The following LRRC47 variants were observed in gnomAD, a reference collection of about 807,000 sequenced individuals.
LRRC47 encodes leucine rich repeat containing 47, also known as leucine-rich repeat-containing protein 47.
In LRRC47, 31 loss-of-function variants were observed where a neutral mutation model predicts 40.9. The ratio of observed to expected loss-of-function variants is 0.76; its 90% CI spans 0.57 to 1.02. The LOEUF (loss-of-function observed/expected upper bound fraction) is 1.02, where lower values mean the gene tolerates loss of function less well. LRRC47 is among the 50% of genes least tolerant of loss of function. The pLI is 0.00. For synonymous variants in LRRC47, 427 were observed against 371.9 expected (o/e 1.15, Z -1.70); for missense variants, 726 against 796.1 (o/e 0.91, Z 1.06).
intron 2 of LRRC47, among the ~76,000 whole-genome samples, chr1:3,786,300 C>A (rs1570737374): frequency 6.6e-6 from 1 of 152,242 alleles, no homozygotes; most frequent in South Asian, 2.1e-4. Flanking sequence ...GAGTTCAAGA[C>A]CAACCTGGCC....
chr1:3,787,413 C>A, intron 1 of LRRC47, 103 bp from the exon 2 acceptor site: 1 of 1,160,054 alleles, frequency 8.6e-7, no homozygotes, highest in Non-Finnish European at 1.2e-6. Context: ...ACAAGAGCCA[C>A]CACTGGCCTG....
In LRRC47 at chr1:3,780,253, T is replaced by C. The variant is rs925554050; in HGVS notation, c.*835A>G. The C allele has an allele frequency of 6.6e-6, 1 of 152,174 alleles. No individual in the cohort carries two copies. Among genetic ancestry groups the C allele is most frequent in the Non-Finnish European group, 1.5e-5 (1 of 68,044 alleles). The allele number at this position is 152,174 out of a possible 1,614,324, so 9.4% of individuals were successfully genotyped here. A position where few individuals can be genotyped will look rare whatever the true frequency, so the allele number is the denominator to read the frequency against. On this transcript the variant is annotated 3_prime_UTR_variant, in exon 7 of 7. Transcript: ENST00000378251. ...ATGTAGTTTTATTTATGTGTTTTCA[T>C]CTGGAAAACCAAGTGTCCCAGCAGC...
At position 3,795,857 on chromosome 1, in the gene LRRC47, C is replaced by A; in HGVS notation, c.615+5G>T. ...TCCCGCCCCGCCCGGGCAGCCCCCG[C>A]TGACCTTGAGCGAGGCCAGGTGGGC... On this transcript the variant is annotated splice_donor_5th_base_variant and intron_variant, in intron 1 of 6. Coordinates refer to ENST00000378251, the MANE Select transcript of LRRC47 (RefSeq NM_020710.3). The A allele has an allele frequency of 6.3e-7, 1 of 1,575,320 alleles. No individual in the cohort carries two copies. Among genetic ancestry groups the A allele is most frequent in the Non-Finnish European group, 8.6e-7 (1 of 1,167,036 alleles).
At chr1:3,792,128 A>T (rs1333910597) in intron 1 of LRRC47, among the ~76,000 whole-genome samples, 1 of 152,174 alleles carries the variant, frequency 6.6e-6, no homozygotes, top group East Asian at 1.9e-4. Context: ...AAGGACATCA[A>T]ATGCATTTGC....
chr1:3,796,286 C>G lies in LRRC47; in HGVS notation c.191G>C (p.Arg64Pro). 2.0e-6 allele frequency: 3 copies of G among 1,481,048 alleles called. No homozygotes were observed. The highest frequency in any genetic ancestry group is 2.7e-6 in the Non-Finnish European group (3 of 1,124,328). The allele number at this position is 1,481,048 out of a possible 1,614,324, so 91.7% of individuals were successfully genotyped here. Residue 64 changes from arginine (R) to proline (P), a missense_variant, in exon 1 of 7, where the codon CGC becomes CCC. Coordinates refer to ENST00000378251, the MANE Select transcript of LRRC47 (RefSeq NM_020710.3). The part of the protein sequence containing the change: ...YLEVSGCGSL[R>P]APGPGLAQGL... ...CTGCGCCAGGCCAGGCCCCGGCGCG[C>G]GCAAGCTCCCGCAGCCGCTCACTTC...
chr1:3,787,373 C>A (rs946576475), intron 1 of LRRC47, 63 bp from the exon 2 acceptor site: 1 of 1,481,468 alleles, frequency 6.8e-7, no homozygotes, highest in Non-Finnish European at 9.0e-7. Flanking sequence ...CAAGGTCATG[C>A]TCGAGAGGCA....
intron 1 of LRRC47, among the ~76,000 whole-genome samples, chr1:3,788,128 G>A (rs777709420): frequency 1.2e-4 from 19 of 152,258 alleles, no homozygotes; most frequent in Admixed American, 2.0e-4. Flanking sequence ...CGCAGGGAAC[G>A]TGCGTGTGAG....
intron 1 of LRRC47, among the ~76,000 whole-genome samples, chr1:3,794,367 GGTTT>G (rs1643654283): frequency 6.6e-6 from 1 of 152,074 alleles, no homozygotes; most frequent in Admixed American, 6.6e-5. Context: ...CTCTACAGTG[GGTTT>G]GTTTTTTTTG....
intron 1 of LRRC47, among the ~76,000 whole-genome samples, chr1:3,790,540 C>T (rs1643617570): frequency 6.6e-6 from 1 of 152,232 alleles, no homozygotes; most frequent in Admixed American, 6.5e-5. Flanking sequence ...TGCCCCCATC[C>T]TCGGCTCACC....
intron 1 of LRRC47, among the ~76,000 whole-genome samples, chr1:3,792,891 G>C (rs916048932): frequency 1.3e-5 from 2 of 152,196 alleles, no homozygotes; most frequent in Non-Finnish European, 2.9e-5. Flanking sequence ...AAAACCAAAA[G>C]TATCTGTCAG....
At chr1:3,784,185 T>G in intron 3 of LRRC47, 74 bp from the exon 4 acceptor site, 2 of 1,288,356 alleles carry the variant, frequency 1.6e-6, no homozygotes, top group Non-Finnish European at 2.2e-6. Flanking sequence ...ATTACGGCCT[T>G]AAGCCTCAAT....
At position 3,787,095 on chromosome 1, in the gene LRRC47, C is replaced by T; in HGVS notation, c.831G>A (p.Lys277=). 6.2e-7 allele frequency: 1 copy of T among 1,613,960 alleles called. No homozygotes were observed. Among genetic ancestry groups the T allele is most frequent in the Non-Finnish European group, 8.5e-7 (1 of 1,180,010 alleles). Reference sequence around the variant, plus strand: ...CCCTCCTCTTCCTCCGGCTCTCTTCCTTCTCCGAGCCCTCGGCACGGCCCT... The same window carrying T: ...CCCTCCTCTTCCTCCGGCTCTCTTCTTTCTCCGAGCCCTCGGCACGGCCCT... The part of the protein sequence containing the change: ...KGKGRAEGSE[K]EESRRKRRER... Residue 277 remains lysine (K), a synonymous_variant, in exon 2 of 7, where the codon AAG becomes AAA. Transcript: ENST00000378251.
chr1:3,791,936 T>G lies in LRRC47; in HGVS notation c.615+3926A>C, dbSNP rs569159854. On this transcript the variant is annotated intron_variant, in intron 1 of 6. Transcript: ENST00000378251. ...ACCCAGCTAATTTTTGTATTTTTTATAGAGACAGGTTTTCACCATGTTGCC... is the reference window on the plus strand; with the variant it reads ...ACCCAGCTAATTTTTGTATTTTTTAGAGAGACAGGTTTTCACCATGTTGCC... 2.8e-4 allele frequency among the ~76,000 whole-genome samples: 42 copies of G among 151,762 alleles called. 1 individual carries two copies. The South Asian group carries it at 8.3e-3, about 30-fold the overall frequency.
intron 2 of LRRC47, 147 bp from the exon 3 acceptor site, chr1:3,785,350 G>A: frequency 2.3e-6 from 1 of 429,636 alleles, no homozygotes; most frequent in South Asian, 5.5e-5. Context: ...TTCCGAGACA[G>A]GGCTCCCCTC....
intron 1 of LRRC47, among the ~76,000 whole-genome samples, chr1:3,790,660 CTG>C (rs1233323779): frequency 6.6e-6 from 1 of 152,260 alleles, no homozygotes; most frequent in Non-Finnish European, 1.5e-5. Flanking sequence ...GGCCAGGACA[CTG>C]GGGAAGCCAG....
At position 3,795,916 on chromosome 1, in the gene LRRC47, A is replaced by T; in HGVS notation, c.561T>A (p.Ala187=). The change falls in exon 1 of 7, where the codon GCT becomes GCA. Residue 187 remains alanine (A), a synonymous_variant. Coordinates refer to ENST00000378251, the MANE Select transcript of LRRC47 (RefSeq NM_020710.3). ...ALPLLSELAA[A]DNCLRELSPD... ...GGCTGAGTTCTCGGAGGCAGTTGTC[A>T]GCAGCCGCCAGTTCACTGAGCAGGG... is the stretch of plus-strand genomic sequence containing the variant. 6.3e-7 allele frequency: 1 copy of T among 1,599,126 alleles called. No homozygotes were observed. Among genetic ancestry groups the T allele is most frequent in the Non-Finnish European group, 8.5e-7 (1 of 1,176,990 alleles).
chr1:3,793,247 G>A (rs927010672), intron 1 of LRRC47, among the ~76,000 whole-genome samples: 2 of 152,076 alleles, frequency 1.3e-5, no homozygotes, highest in Non-Finnish European at 2.9e-5. Flanking sequence ...GAGTAGCTAG[G>A]ATTACAGGCA....
At chr1:3,786,455 G>A (rs1312652782) in intron 2 of LRRC47, among the ~76,000 whole-genome samples, 2 of 152,034 alleles carry the variant, frequency 1.3e-5, no homozygotes, top group African/African-American at 4.8e-5. Context: ...AGATTAGACT[G>A]CGCCACCGTA....
Position 3,781,177 on chromosome 1 carries a change from C to T in LRRC47, c.1663G>A (p.Val555Met), listed in dbSNP as rs1291889603. ...PSLLVVEQVR[V>M]VDLEGSLKVV... ...TTCAGGCTCCCTTCCAGATCCACCA[C>T]CCGGACCTGCTCCACCACCAGAAGG... The change falls in exon 7 of 7, where the codon GTG becomes ATG. Residue 555 changes from valine to methionine, a missense_variant. Transcript: ENST00000378251. The T allele has an allele frequency of 1.2e-6, 2 of 1,614,160 alleles. No individual in the cohort carries two copies. Among genetic ancestry groups the T allele is most frequent in the Non-Finnish European group, 1.7e-6 (2 of 1,180,028 alleles).
Sources: gnomAD v4.1 joint callset for allele counts (sites outside exome capture counted in the v4.1 genomes callset) on GRCh38, gnomAD v4.1.1 for gene constraint, MANE v1.5 for transcripts, NCBI Gene and HGNC (gene_info 2026-07-23, HGNC 2026-07-21) for gene names.